The following SYDE2 variants were observed in gnomAD, a reference collection of about 807,000 sequenced individuals.
SYDE2 encodes the protein synapse defective Rho GTPase homolog 2.
SYDE2 carries 76 observed loss-of-function variants against 91.5 expected under a neutral mutation model. That is an observed-to-expected ratio of 0.83 (90% CI 0.69 to 1.01). The LOEUF is 1.01. Ranked by LOEUF, SYDE2 falls within the 50% of genes least tolerant of loss-of-function variation. SYDE2 has a pLI of 0.00. For missense variants in SYDE2, 1,364 were observed against 1,367.7 expected (o/e 1.00, Z 0.04); for synonymous variants, 513 against 506.4 (o/e 1.01, Z -0.18).
chr1:85,182,040 A>G (rs1242130958), intron 3 of SYDE2, 58 bp downstream of exon 3: 1 of 1,469,552 alleles, frequency 6.8e-7, no homozygotes, highest in East Asian at 2.3e-5. Flanking sequence ...TCTTCCCCCA[A>G]GACTTACAAT....
chr1:85,182,258 A>AT lies in SYDE2; in HGVS notation c.2383dup (p.Met795AsnfsTer23). ...ATGAAGAGAATTCTCCCACTGTTCC[A>AT]TAAGAGTCACTTTCACATAAATAAG... On this transcript the variant is annotated frameshift_variant, in exon 3 of 7. Coordinates refer to ENST00000341460, the MANE Select transcript of SYDE2 (RefSeq NM_032184.2). LOFTEE classifies it high-confidence loss of function. The AT allele has an allele frequency of 4.3e-6, 7 of 1,612,666 alleles. No homozygotes were observed. Among genetic ancestry groups the AT allele is most frequent in the Non-Finnish European group, 5.9e-6 (7 of 1,179,484 alleles).
In SYDE2 at chr1:85,190,532, A is replaced by C. The variant is rs1280064937; in HGVS notation, c.966T>G (p.Pro322=). The change falls in exon 2 of 7, where the codon CCT becomes CCG. Residue 322 remains proline (P), a synonymous_variant. Coordinates refer to ENST00000341460, the MANE Select transcript of SYDE2 (RefSeq NM_032184.2). ...SHLSISPVSL[P]KHQLSQSFLK... is the part of the protein sequence containing the mutation. ...GGAAAGACTGTGATAGCTGATGTTT[A>C]GGTAGAGACACAGGTGAGATGGATA... The C allele has an allele frequency of 1.2e-6, 2 of 1,614,030 alleles. No individual in the cohort carries two copies. The highest frequency in any genetic ancestry group is 1.7e-6 in the Non-Finnish European group (2 of 1,179,878).
intron 5 of SYDE2, among the ~76,000 whole-genome samples, chr1:85,165,597 A>G: frequency 6.6e-6 from 1 of 150,706 alleles, no homozygotes; most frequent in East Asian, 1.9e-4. Flanking sequence ...TAAATAAATA[A>G]ATATATATAT....
intron 5 of SYDE2, among the ~76,000 whole-genome samples, chr1:85,165,597 A>AAT (rs137970465): frequency 0.18 from 27,294 of 150,704 alleles, 2,561 homozygotes; most frequent in East Asian, 0.28. Flanking sequence ...TAAATAAATA[A>AAT]ATATATATAT....
intron 1 of SYDE2, among the ~76,000 whole-genome samples, chr1:85,199,069 T>G (rs1251173932): frequency 6.6e-6 from 1 of 152,188 alleles, no homozygotes; most frequent in East Asian, 1.9e-4. Context: ...TTGTCTTCAT[T>G]GTTTGATAAG....
At chr1:85,168,810 A>G (rs1657395076) in intron 5 of SYDE2, among the ~76,000 whole-genome samples, 3 of 152,238 alleles carry the variant, frequency 2.0e-5, no homozygotes, top group Non-Finnish European at 2.9e-5. Flanking sequence ...AAAAAACTTC[A>G]GTGAGTATTC....
intron 1 of SYDE2, among the ~76,000 whole-genome samples, chr1:85,197,367 T>C (rs1658627704): frequency 6.6e-6 from 1 of 152,222 alleles, no homozygotes; most frequent in African/African-American, 2.4e-5. Flanking sequence ...CTATATGAAG[T>C]ATCTCCATTC....
chr1:85,200,135 T>C (rs1474568294), intron 1 of SYDE2, 117 bp downstream of exon 1: 6 of 1,543,978 alleles, frequency 3.9e-6, no homozygotes, highest in Non-Finnish European at 5.2e-6. Context: ...ACACTTACTT[T>C]CGCCCGGTAA....
At chr1:85,168,967 A>C in intron 5 of SYDE2, 77 bp downstream of exon 5, 1 of 1,322,394 alleles carries the variant, frequency 7.6e-7, no homozygotes, top group Non-Finnish European at 1.1e-6. Flanking sequence ...AAATATCTAA[A>C]ATTATTTGTA....
chr1:85,160,312 A>G (rs1180628879), intron 6 of SYDE2: 1 of 923,076 alleles, frequency 1.1e-6, no homozygotes, highest in Non-Finnish European at 1.3e-6. Flanking sequence ...AGTTTTCCAG[A>G]CTTAAAGTGA....
intron 3 of SYDE2, among the ~76,000 whole-genome samples, chr1:85,180,027 T>C (rs1657851651): frequency 6.6e-6 from 1 of 152,186 alleles, no homozygotes; most frequent in Non-Finnish European, 1.5e-5. Context: ...CTGATGATGA[T>C]ATCTTGAATC....
rs1260297909 is a variant in SYDE2, at chr1:85,200,227, GCATTTTCATCGCAAAGTATCCTA to G, written c.745+2_745+24del. On this transcript the variant is annotated splice_donor_variant and splice_donor_5th_base_variant and intron_variant, in intron 1 of 6. Transcript: ENST00000341460. LOFTEE classifies it high-confidence loss of function. Reference sequence around the variant, plus strand: ...GTAAACAGTAAGGCTCGCGGTGCTAGCATTTTCATCGCAAAGTATCCTACCTGTCAGCGTAATTCTTTGGTCTG... The same window carrying G: ...GTAAACAGTAAGGCTCGCGGTGCTAGCCTGTCAGCGTAATTCTTTGGTCTG... 2 of 1,613,656 alleles carry G rather than the reference GCATTTTCATCGCAAAGTATCCTA, an allele frequency of 1.2e-6. No homozygotes were observed. Among genetic ancestry groups the G allele is most frequent in the South Asian group, 1.1e-5 (1 of 91,046 alleles).
chr1:85,190,798 T>C (rs543839722), intron 1 of SYDE2, 46 bp from the exon 2 acceptor site: 2 of 1,472,064 alleles, frequency 1.4e-6, no homozygotes, highest in African/African-American at 1.4e-5. Flanking sequence ...GGCTGGTATA[T>C]CAGAAAGACA....
downstream of SYDE2, among the ~76,000 whole-genome samples, chr1:85,154,770 A>G (rs1179664970): frequency 1.3e-5 from 2 of 151,988 alleles, no homozygotes; most frequent in Non-Finnish European, 2.9e-5. Flanking sequence ...TCTAGCCTGG[A>G]CTACTGCAAA....
chr1:85,174,577 G>A (rs930203303), intron 4 of SYDE2, among the ~76,000 whole-genome samples: 2 of 152,144 alleles, frequency 1.3e-5, no homozygotes, highest in Non-Finnish European at 2.9e-5. Context: ...TTTGAATGTT[G>A]AATCACTGAC....
At chr1:85,198,948 G>C (rs1375297854) in intron 1 of SYDE2, among the ~76,000 whole-genome samples, 2 of 152,278 alleles carry the variant, frequency 1.3e-5, no homozygotes, top group East Asian at 3.9e-4. Context: ...TTTTGTTCAA[G>C]TGAAATGGAA....
chr1:85,161,224 AT>A (rs1345346964), intron 6 of SYDE2: 2 of 465,392 alleles, frequency 4.3e-6, no homozygotes, highest in African/African-American at 4.2e-5. Flanking sequence ...CTACCAGTAG[AT>A]TTGTTTCTAA....
chr1:85,155,501 A>G (rs529097563), downstream of SYDE2, among the ~76,000 whole-genome samples: 1 of 152,128 alleles, frequency 6.6e-6, no homozygotes, highest in East Asian at 1.9e-4. Flanking sequence ...AAAAAAAAAG[A>G]AATAAAAGCA....
rs372524889 is a variant in SYDE2 at position 85,159,244 on chromosome 1, G to T, written c.3091C>A (p.Arg1031Ser). 1.3e-6 allele frequency: 1 copy of T among 778,774 alleles called. No homozygotes were observed. The highest frequency in any genetic ancestry group is 1.3e-5 in the South Asian group (1 of 74,178). The allele number at this position is 778,774 out of a possible 1,614,324, so 48.2% of individuals were successfully genotyped here. Residue 1031 changes from arginine to serine, a missense_variant, in exon 7 of 7, where the codon CGT (arginine) becomes AGT (serine). By Grantham distance (110) the Arg-to-Ser change is moderately radical. Coordinates refer to ENST00000341460, the MANE Select transcript of SYDE2 (RefSeq NM_032184.2). ...TCTGTTGATTTTTTGACAGTTAAACGCTGCACTAGAAACAAACAATAATTT... is the reference window on the plus strand; with the variant it reads ...TCTGTTGATTTTTTGACAGTTAAACTCTGCACTAGAAACAAACAATAATTT... ...HYLLQLWPVQ[R>S]LTVKKSTDNL...
Sources: gnomAD v4.1 joint callset for allele counts (sites outside exome capture counted in the v4.1 genomes callset) on GRCh38, gnomAD v4.1.1 for gene constraint, MANE v1.5 for transcripts, NCBI Gene and HGNC (gene_info 2026-07-23, HGNC 2026-07-21) for gene names.